Variants in AFG3L2 observed in about 807,000 individuals in gnomAD.
The protein encoded by AFG3L2 is mitochondrial inner membrane m-AAA protease component AFG3L2.
Under a neutral mutation model 94.5 loss-of-function variants are expected in AFG3L2, and 54 were observed. The observed-to-expected ratio is 0.57, with a 90% CI of 0.46 to 0.72. The LOEUF (loss-of-function observed/expected upper bound fraction) is 0.72, where lower values mean the gene tolerates loss of function less well. Among genes scored for constraint, AFG3L2 ranks in the 30% least tolerant of loss-of-function variants. The pLI is 0.00. For synonymous variants in AFG3L2, 377 were observed against 365.5 expected (o/e 1.03, Z -0.36); for missense variants, 754 against 994.9 (o/e 0.76, Z 3.26).
Position 12,377,021 on chromosome 18 carries a change from T to A in AFG3L2, c.62A>T (p.Gln21Leu). The change falls in exon 1 of 17, where the codon CAG (glutamine) becomes CTG (leucine). Residue 21 changes from glutamine (Q) to leucine (L), a missense_variant. This residue lies in a region of AFG3L2 where 236 missense variants were observed against 214.0 expected (regional missense o/e 1.10). Coordinates refer to ENST00000269143, the MANE Select transcript of AFG3L2 (RefSeq NM_006796.3). Reference protein sequence around the residue: ...RGGCWPRGLQQLLVPGGVGPG... With the variant: ...RGGCWPRGLQLLLVPGGVGPG... ...GCCCACGCCGCCAGGCACGAGGAGC[T>A]GCTGTAGGCCGCGGGGCCAGCAGCC... 1 of 1,449,374 alleles carries A rather than the reference T, an allele frequency of 6.9e-7. No individual in the cohort carries two copies. The highest frequency in any genetic ancestry group is 9.1e-7 in the Non-Finnish European group (1 of 1,103,938). The allele number at this position is 1,449,374 out of a possible 1,614,324, so 89.8% of individuals were successfully genotyped here.
chr18:12,366,886 C>A, intron 5 of AFG3L2, 79 bp downstream of exon 5: 1 of 1,568,438 alleles, frequency 6.4e-7, no homozygotes, highest in Non-Finnish European at 8.8e-7. Flanking sequence ...GGTTAACCTG[C>A]TGACTGTCAC....
chr18:12,331,981 T>A (rs1025445951), intron 16 of AFG3L2, among the ~76,000 whole-genome samples: 1 of 151,938 alleles, frequency 6.6e-6, no homozygotes, highest in African/African-American at 2.4e-5. Context: ...TTTAACAGCC[T>A]ACAGAAAAAG....
At chr18:12,364,365 A>G (rs140752526) in intron 5 of AFG3L2, among the ~76,000 whole-genome samples, 6 of 152,230 alleles carry the variant, frequency 3.9e-5, no homozygotes, top group South Asian at 2.1e-4. Flanking sequence ...GAACATTCCC[A>G]TATCTACCTT....
At chr18:12,368,315 T>C (rs1230941237) in intron 3 of AFG3L2, among the ~76,000 whole-genome samples, 1 of 151,800 alleles carries the variant, frequency 6.6e-6, no homozygotes, top group Non-Finnish European at 1.5e-5. Context: ...GCTGTGATTG[T>C]ACCACTGCAC....
rs1568130296 is a variant in AFG3L2 at position 12,329,402 on chromosome 18, C to T, written c.*163G>A. On this transcript the variant is annotated 3_prime_UTR_variant, in exon 17 of 17. Coordinates refer to ENST00000269143, the MANE Select transcript of AFG3L2 (RefSeq NM_006796.3). Reference sequence around the variant, plus strand: ...AAAGTCACCTGCCACCCACTGTGACCTCTGAGGCTGAAAGGACTAAGGACT... The same window carrying T: ...AAAGTCACCTGCCACCCACTGTGACTTCTGAGGCTGAAAGGACTAAGGACT... 6.4e-6 allele frequency: 5 copies of T among 778,792 alleles called. No homozygotes were observed. The highest frequency in any genetic ancestry group is 1.1e-5 in the Non-Finnish European group (5 of 454,054). 48.2% of individuals were successfully genotyped at this position (778,792 alleles called of 1,614,324 possible). A position where few individuals can be genotyped will look rare whatever the true frequency, so the allele number is the denominator to read the frequency against.
chr18:12,351,163 G>A lies in AFG3L2; in HGVS notation c.1474C>T (p.Arg492Ter), dbSNP rs753902034. 3 of 1,613,974 alleles carry A rather than the reference G, an allele frequency of 1.9e-6. No individual in the cohort carries two copies. Among genetic ancestry groups the A allele is most frequent in the South Asian group, 1.1e-5 (1 of 91,046 alleles). Residue 492 changes from arginine (R) to a stop codon, truncating the protein, a stop_gained, in exon 12 of 17, where the codon CGA becomes TGA. Transcript: ENST00000269143. LOFTEE classifies it high-confidence loss of function. ...GRASIFKVHL[R>*]PLKLDSTLEK... is the part of the protein sequence containing the mutation. ...AGGGTACTGTCCAGTTTTAGCGGTC[G>A]GAGATGAACTTTGAAAATAGAAGCT... is the stretch of plus-strand genomic sequence containing the variant.
At chr18:12,345,534 G>T (rs1327041634) in intron 13 of AFG3L2, among the ~76,000 whole-genome samples, 1 of 152,222 alleles carries the variant, frequency 6.6e-6, no homozygotes, top group African/African-American at 2.4e-5. Context: ...TACAAAACAG[G>T]AGTTAAGTCT....
chr18:12,368,399 C>T (rs1351795465), intron 3 of AFG3L2, among the ~76,000 whole-genome samples: 3 of 152,022 alleles, frequency 2.0e-5, no homozygotes, highest in Admixed American at 1.3e-4. Flanking sequence ...GTAAGTACTC[C>T]CTTTCCCACT....
intron 13 of AFG3L2, among the ~76,000 whole-genome samples, chr18:12,347,379 G>C (rs1464706736): frequency 6.6e-6 from 1 of 152,136 alleles, no homozygotes; most frequent in East Asian, 1.9e-4. Flanking sequence ...CTGGTGCAGG[G>C]CTTCCCCTTC....
chr18:12,371,352 A>C (rs1042489372), intron 2 of AFG3L2, among the ~76,000 whole-genome samples: 1 of 151,938 alleles, frequency 6.6e-6, no homozygotes, highest in African/African-American at 2.4e-5. Context: ...AAAGCATAAC[A>C]TTTCTTGTGT....
At chr18:12,373,150 G>C (rs1310366345) in intron 1 of AFG3L2, among the ~76,000 whole-genome samples, 1 of 152,228 alleles carries the variant, frequency 6.6e-6, no homozygotes, top group Non-Finnish European at 1.5e-5. Flanking sequence ...GTTTTTGTCT[G>C]AGTGCAATAC....
At chr18:12,341,011 G>A (rs1255669364) in intron 14 of AFG3L2, 1 of 152,724 alleles carries the variant, frequency 6.5e-6, no homozygotes, top group African/African-American at 2.4e-5. Context: ...CCCCACCTTG[G>A]CCTCCCAAAG....
At chr18:12,351,534 T>G in intron 10 of AFG3L2, 121 bp from the exon 11 acceptor site, 1 of 883,710 alleles carries the variant, frequency 1.1e-6, no homozygotes, top group Non-Finnish European at 1.8e-6. Context: ...TTCTATTCAT[T>G]ATCTAGTGTT....
intron 5 of AFG3L2, among the ~76,000 whole-genome samples, chr18:12,366,289 G>A (rs1908804544): frequency 6.6e-6 from 1 of 152,146 alleles, no homozygotes; most frequent in Non-Finnish European, 1.5e-5. Flanking sequence ...ATTTGTCTTA[G>A]CAACTTATAA....
At chr18:12,335,827 A>T (rs528837509) in intron 16 of AFG3L2, among the ~76,000 whole-genome samples, 1 of 152,112 alleles carries the variant, frequency 6.6e-6, no homozygotes, top group Non-Finnish European at 1.5e-5. Flanking sequence ...CATGCTTTCC[A>T]GTGTTTTGGG....
chr18:12,352,185 G>C lies in AFG3L2; in HGVS notation c.1319-772C>G, dbSNP rs572443347. On this transcript the variant is annotated intron_variant, in intron 10 of 16. Transcript: ENST00000269143. ...TCTCAGTGTAAATGCCATGGTCCCA[G>C]GCCCTTCACCCTCAGGACCCTGGCA... 4.6e-5 allele frequency among the ~76,000 whole-genome samples: 7 copies of C among 152,276 alleles called. No individual in the cohort carries two copies. The South Asian group carries it at 1.0e-3, about 23-fold the overall frequency.
rs1598821037 is a variant in AFG3L2 at position 12,337,626 on chromosome 18, A to G, written c.1981-91T>C. 3 of 1,223,288 alleles carry G rather than the reference A, an allele frequency of 2.5e-6. No homozygotes were observed. The African/African-American group carries it at 4.5e-5, about 18-fold the overall frequency. 75.8% of individuals were successfully genotyped at this position (1,223,288 alleles called of 1,614,324 possible). ...CAGCCTGGAGCCGGCTAAAGTGCAC[A>G]AAGGTGCTCTGTGTAGCCAGCAGCA... On this transcript the variant is annotated intron_variant, in intron 15 of 16. Coordinates refer to ENST00000269143, the MANE Select transcript of AFG3L2 (RefSeq NM_006796.3).
At chr18:12,359,024 A>C (rs909977271) in intron 7 of AFG3L2, 81 bp from the exon 8 acceptor site, 44 of 1,538,860 alleles carry the variant, frequency 2.9e-5, no homozygotes, top group Non-Finnish European at 3.8e-5. Context: ...ATCAATATAA[A>C]TATATATAGC....
At chr18:12,360,600 T>C (rs144924806) in intron 6 of AFG3L2, among the ~76,000 whole-genome samples, 311 of 152,308 alleles carry the variant, frequency 2.0e-3, no homozygotes, top group African/African-American at 7.0e-3. Context: ...CTGGAACAGA[T>C]GCGCCTTGCT....
Sources: gnomAD v4.1 joint callset for allele counts (sites outside exome capture counted in the v4.1 genomes callset) on GRCh38, gnomAD v4.1.1 for gene constraint, gnomAD v4.1.1 regional missense constraint, MANE v1.5 for transcripts, NCBI Gene and HGNC (gene_info 2026-07-23, HGNC 2026-07-21) for gene names.